CNTNAP2: variants seen among roughly 807,000 people sequenced by gnomAD.
The protein encoded by CNTNAP2 is contactin associated protein 2, also known as contactin-associated protein-like 2.
Under a neutral mutation model 155.2 loss-of-function variants are expected in CNTNAP2, and 98 were observed. The observed-to-expected ratio is 0.63, with a 90% CI of 0.54 to 0.75. The LOEUF (loss-of-function observed/expected upper bound fraction) is 0.75, where lower values mean the gene tolerates loss of function less well. Among genes scored for constraint, CNTNAP2 ranks in the 30% least tolerant of loss-of-function variants. CNTNAP2 has a pLI of 0.00. For missense variants in CNTNAP2, 1,727 were observed against 1,688.1 expected (o/e 1.02, Z -0.40); for synonymous variants, 651 against 631.2 (o/e 1.03, Z -0.47).
intron 9 of CNTNAP2, among the ~76,000 whole-genome samples, chr7:147,378,371 G>T (rs1796476456): frequency 6.6e-6 from 1 of 151,810 alleles, no homozygotes; most frequent in Non-Finnish European, 1.5e-5. Flanking sequence ...GGTAAATGGG[G>T]TATCCATCAC....
intron 13 of CNTNAP2, among the ~76,000 whole-genome samples, chr7:147,851,242 G>C (rs983151112): frequency 1.3e-5 from 2 of 152,252 alleles, no homozygotes; most frequent in Non-Finnish European, 1.5e-5. Context: ...ACACCAGTTA[G>C]AATGGCGATC....
At position 147,061,423 on chromosome 7, in the gene CNTNAP2, CTTTA is replaced by C. The variant is rs367582751; in HGVS notation, c.550+17375_550+17378del. Among the ~76,000 whole-genome samples the C allele has an allele frequency of 1.1e-3, 167 of 152,222 alleles. 1 individual carries two copies. Among genetic ancestry groups the C allele is most frequent in the Middle Eastern group, 6.8e-3 (2 of 294 alleles). The stretch of plus-strand genomic sequence containing the variant: ...CAGATGCACATAAAAGTTCTCATCC[CTTTA>C]TTTATCAGTTTTAATTTTAAGCTTC... On this transcript the variant is annotated intron_variant, in intron 4 of 23. Coordinates refer to ENST00000361727, the MANE Select transcript of CNTNAP2 (RefSeq NM_014141.6).
intron 13 of CNTNAP2, among the ~76,000 whole-genome samples, chr7:147,819,819 T>A (rs1231855657): frequency 1.3e-5 from 2 of 152,322 alleles, no homozygotes; most frequent in South Asian, 4.1e-4. Flanking sequence ...GGTCTGACTT[T>A]CTGCATCAGA....
chr7:146,472,778 T>C (rs1796818935), intron 1 of CNTNAP2, among the ~76,000 whole-genome samples: 1 of 152,052 alleles, frequency 6.6e-6, no homozygotes, highest in African/African-American at 2.4e-5. Flanking sequence ...TCAGTCAGCC[T>C]AGCTGAGAGT....
intron 1 of CNTNAP2, among the ~76,000 whole-genome samples, chr7:146,664,250 C>T (rs1346030426): frequency 1.3e-5 from 2 of 150,456 alleles, no homozygotes; most frequent in Non-Finnish European, 2.9e-5. Flanking sequence ...CAACCTCCGC[C>T]TCCGGAGTTC....
chr7:146,969,619 G>C (rs1797737621), intron 3 of CNTNAP2, among the ~76,000 whole-genome samples: 2 of 147,158 alleles, frequency 1.4e-5, no homozygotes, highest in African/African-American at 5.0e-5. Context: ...TTTTATCAGA[G>C]ACTAGGATTG....
intron 17 of CNTNAP2, among the ~76,000 whole-genome samples, chr7:148,155,117 T>C (rs941993194): frequency 1.3e-5 from 2 of 152,164 alleles, no homozygotes; most frequent in Non-Finnish European, 1.5e-5. Context: ...CACGAGTCTA[T>C]AACATAGATA....
intron 9 of CNTNAP2, among the ~76,000 whole-genome samples, chr7:147,310,601 G>T (rs1795105920): frequency 2.0e-5 from 3 of 152,116 alleles, no homozygotes; most frequent in African/African-American, 7.2e-5. Context: ...ATATGTGATA[G>T]GTGTCAAGTG....
chr7:146,632,641 T>C (rs1799528843), intron 1 of CNTNAP2, among the ~76,000 whole-genome samples: 1 of 151,998 alleles, frequency 6.6e-6, no homozygotes, highest in Admixed American at 6.6e-5. Context: ...TAGAGTAACA[T>C]TTACAATCCA....
At chr7:147,118,545 A>G (rs1057193707) in intron 5 of CNTNAP2, among the ~76,000 whole-genome samples, 1 of 151,270 alleles carries the variant, frequency 6.6e-6, no homozygotes, top group Non-Finnish European at 1.5e-5. Flanking sequence ...TAAAATGGGG[A>G]TGCGTTCTGA....
At chr7:146,231,836 C>T (rs1799391196) in intron 1 of CNTNAP2, among the ~76,000 whole-genome samples, 1 of 152,178 alleles carries the variant, frequency 6.6e-6, no homozygotes, top group African/African-American at 2.4e-5. Flanking sequence ...ATGTGGCACA[C>T]ACTTTTAGAC....
intron 14 of CNTNAP2, among the ~76,000 whole-genome samples, chr7:147,933,544 T>TAGATAA (rs1563140060): frequency 0.017 from 1,298 of 77,478 alleles, 15 homozygotes; most frequent in African/African-American, 0.037. Flanking sequence ...TAGATAGATA[T>TAGATAA]AACAGAATAT....
chr7:147,999,957 A>T (rs1382306945), intron 15 of CNTNAP2, among the ~76,000 whole-genome samples: 1 of 152,154 alleles, frequency 6.6e-6, no homozygotes, highest in East Asian at 1.9e-4. Flanking sequence ...GTGGGAGAAT[A>T]AATTTCTGTT....
At chr7:148,382,463 C>T (rs1446598011) in intron 21 of CNTNAP2, among the ~76,000 whole-genome samples, 3 of 149,336 alleles carry the variant, frequency 2.0e-5, no homozygotes, top group Non-Finnish European at 4.5e-5. Flanking sequence ...CGAAAACTGT[C>T]AGGGACCCTA....
intron 3 of CNTNAP2, among the ~76,000 whole-genome samples, chr7:146,901,899 G>A (rs1446589262): frequency 1.7e-5 from 2 of 115,304 alleles, no homozygotes; most frequent in Non-Finnish European, 3.4e-5. Context: ...TTTTTGAGAC[G>A]GTCTCTGGCT....
At chr7:146,519,713 G>A (rs1045799559) in intron 1 of CNTNAP2, among the ~76,000 whole-genome samples, 1 of 151,860 alleles carries the variant, frequency 6.6e-6, no homozygotes, top group Non-Finnish European at 1.5e-5. Flanking sequence ...GAAGCAAACA[G>A]ACACGCAGGG....
At chr7:147,910,337 G>A (rs1439514064) in intron 14 of CNTNAP2, among the ~76,000 whole-genome samples, 1 of 152,098 alleles carries the variant, frequency 6.6e-6, no homozygotes, top group Non-Finnish European at 1.5e-5. Context: ...TTCATATACT[G>A]TGTCATTTAA....
intron 1 of CNTNAP2, among the ~76,000 whole-genome samples, chr7:146,328,759 G>A (rs533404198): frequency 6.6e-6 from 1 of 152,190 alleles, no homozygotes; most frequent in South Asian, 2.1e-4. Context: ...TTTTGCTTTA[G>A]ACTCCACATC....
At chr7:146,864,828 A>G (rs967750686) in intron 3 of CNTNAP2, among the ~76,000 whole-genome samples, 4 of 68,816 alleles carry the variant, frequency 5.8e-5, no homozygotes, top group African/African-American at 4.3e-4. Context: ...AAAGCAAAAC[A>G]AAACAAAACA....
Sources: gnomAD v4.1 joint callset for allele counts (sites outside exome capture counted in the v4.1 genomes callset) on GRCh38, gnomAD v4.1.1 for gene constraint, MANE v1.5 for transcripts, NCBI Gene and HGNC (gene_info 2026-07-23, HGNC 2026-07-21) for gene names.